Variants in NBEA observed in about 807,000 individuals in gnomAD.
NBEA encodes the protein neurobeachin, also known as lysosomal-trafficking regulator 2.
Under a neutral mutation model 343.4 loss-of-function variants are expected in NBEA, and 44 were observed. The observed-to-expected ratio is 0.13, with a 90% confidence interval of 0.10 to 0.16. NBEA has a LOEUF of 0.16. Among genes scored for constraint, NBEA ranks in the 10% least tolerant of loss-of-function variants. The pLI is 1.00. For synonymous variants in NBEA, 1,175 were observed against 1,238.7 expected (o/e 0.95, Z 1.08); for missense variants, 2,555 against 3,631.3 (o/e 0.70, Z 7.62).
At chr13:35,007,991 A>G (rs1228085503) in intron 1 of NBEA, among the ~76,000 whole-genome samples, 3 of 152,130 alleles carry the variant, frequency 2.0e-5, no homozygotes, top group Non-Finnish European at 4.4e-5. Flanking sequence ...TAAAAATTGT[A>G]AACGCAATTT....
intron 45 of NBEA, among the ~76,000 whole-genome samples, chr13:35,580,607 A>G (rs1005421885): frequency 6.6e-6 from 1 of 152,186 alleles, no homozygotes; most frequent in South Asian, 2.1e-4. Context: ...TCTATGACAA[A>G]ATTCTTATTT....
chr13:35,249,269 A>G (rs1593927889), intron 34 of NBEA, among the ~76,000 whole-genome samples: 1 of 152,184 alleles, frequency 6.6e-6, no homozygotes, highest in East Asian at 1.9e-4. Flanking sequence ...ATATTGGACT[A>G]CATCAAAATT....
rs1037718705 is a variant in NBEA, at chr13:35,086,697, A to G, written c.1572-11600A>G. On this transcript the variant is annotated intron_variant, in intron 10 of 58. Coordinates refer to ENST00000379939, the MANE Select transcript of NBEA (RefSeq NM_001385012.1). Reference sequence around the variant, plus strand: ...CTCAGTAGCAGGATTGCTGGGTCGAATGGTAGTTCTATTTTAACTCTTTGA... The same window carrying G: ...CTCAGTAGCAGGATTGCTGGGTCGAGTGGTAGTTCTATTTTAACTCTTTGA... Among the ~76,000 whole-genome samples the G allele has an allele frequency of 2.0e-5, 3 of 151,798 alleles. No individual in the cohort carries two copies. In the South Asian group the frequency reaches 6.2e-4, roughly 31 times the overall value.
At chr13:35,493,438 G>GT (rs2076567342) in intron 41 of NBEA, among the ~76,000 whole-genome samples, 6 of 151,864 alleles carry the variant, frequency 4.0e-5, no homozygotes, top group Admixed American at 3.9e-4. Context: ...ATATGAAAGT[G>GT]TTTTTTAGGT....
intron 33 of NBEA, among the ~76,000 whole-genome samples, chr13:35,224,766 C>G (rs1332855646): frequency 6.6e-6 from 1 of 152,036 alleles, no homozygotes; most frequent in Non-Finnish European, 1.5e-5. Flanking sequence ...CGGTTTTTCT[C>G]TGGCTTTTTT....
At chr13:35,220,125 C>A (rs765304199) in intron 33 of NBEA, among the ~76,000 whole-genome samples, 2 of 152,148 alleles carry the variant, frequency 1.3e-5, no homozygotes, top group South Asian at 4.1e-4. Flanking sequence ...TATTCCCAGA[C>A]AATGCATGGC....
chr13:35,198,339 C>T (rs1366697428), intron 31 of NBEA, among the ~76,000 whole-genome samples: 1 of 151,870 alleles, frequency 6.6e-6, no homozygotes, highest in East Asian at 1.9e-4. Context: ...TAAATTATAT[C>T]TTTAAATGTT....
chr13:34,973,936 T>C (rs1315294100), intron 1 of NBEA, among the ~76,000 whole-genome samples: 1 of 152,216 alleles, frequency 6.6e-6, no homozygotes, highest in African/African-American at 2.4e-5. Flanking sequence ...CCCCTCTGCA[T>C]GTCTGAGTGG....
At chr13:35,062,067 A>G (rs773284552) in intron 8 of NBEA, among the ~76,000 whole-genome samples, 2 of 151,788 alleles carry the variant, frequency 1.3e-5, no homozygotes, top group African/African-American at 2.4e-5. Flanking sequence ...GAAAATCATC[A>G]TATACCAACA....
intron 30 of NBEA, among the ~76,000 whole-genome samples, chr13:35,189,625 G>T (rs1245388578): frequency 1.3e-5 from 2 of 151,808 alleles, no homozygotes. Flanking sequence ...AGCTCTAGTC[G>T]ATAATTTATT....
chr13:35,414,474 T>G (rs78921470), intron 38 of NBEA, among the ~76,000 whole-genome samples: 1 of 151,102 alleles, frequency 6.6e-6, no homozygotes, highest in Non-Finnish European at 1.5e-5. Context: ...AGTGAGAACA[T>G]GTGGTGGTTG....
At chr13:35,269,614 A>C (rs1246837359) in intron 34 of NBEA, among the ~76,000 whole-genome samples, 1 of 152,192 alleles carries the variant, frequency 6.6e-6, no homozygotes. Flanking sequence ...ATAGAACTGT[A>C]GGGTGTAAAA....
intron 16 of NBEA, among the ~76,000 whole-genome samples, chr13:35,119,670 C>G (rs1034096242): frequency 6.6e-6 from 1 of 152,138 alleles, no homozygotes; most frequent in African/African-American, 2.4e-5. Context: ...ACTGCAAGCT[C>G]CACTTCCCGG....
At chr13:35,639,213 G>A (rs1467120376) in intron 49 of NBEA, among the ~76,000 whole-genome samples, 2 of 152,150 alleles carry the variant, frequency 1.3e-5, no homozygotes, top group East Asian at 3.8e-4. Context: ...AAAACTAGAA[G>A]CAGTTGAATA....
At chr13:35,191,989 CAA>C (rs1284309191) in intron 30 of NBEA, among the ~76,000 whole-genome samples, 1 of 151,900 alleles carries the variant, frequency 6.6e-6, no homozygotes, top group East Asian at 1.9e-4. Flanking sequence ...TCATTATAGT[CAA>C]TGAAAAACAG....
intron 40 of NBEA, among the ~76,000 whole-genome samples, chr13:35,462,262 GA>G (rs926710057): frequency 6.6e-6 from 1 of 151,878 alleles, no homozygotes; most frequent in African/African-American, 2.4e-5. Context: ...AAGAGATAAT[GA>G]AAAAAATAGT....
At chr13:35,251,691 TC>T in intron 34 of NBEA, 1 of 487,778 alleles carries the variant, frequency 2.1e-6, no homozygotes, top group Non-Finnish European at 3.0e-6. Flanking sequence ...ATGATATGGC[TC>T]CAGAGCAACT....
At chr13:35,494,994 G>A (rs973868275) in intron 41 of NBEA, among the ~76,000 whole-genome samples, 2 of 151,656 alleles carry the variant, frequency 1.3e-5, no homozygotes, top group East Asian at 1.9e-4. Flanking sequence ...CTGGACAACA[G>A]AGTGAGACTC....
At chr13:35,222,362 T>C (rs2074415981) in intron 33 of NBEA, among the ~76,000 whole-genome samples, 1 of 152,072 alleles carries the variant, frequency 6.6e-6, no homozygotes, top group Admixed American at 6.6e-5. Flanking sequence ...TTAAAGCAGT[T>C]CTGCTTTTTA....
Sources: allele counts gnomAD v4.1 joint callset (sites outside exome capture counted in the v4.1 genomes callset), GRCh38; gene constraint gnomAD v4.1.1; transcripts MANE v1.5; gene names NCBI Gene and HGNC (gene_info 2026-07-23, HGNC 2026-07-21).